The following RPRD2 variants were observed in gnomAD, a reference collection of about 807,000 sequenced individuals.
RPRD2 encodes regulation of nuclear pre-mRNA domain containing 2.
A neutral mutation model predicts 104.4 loss-of-function variants in RPRD2; 12 were observed. The observed-to-expected ratio is 0.11, with a 90% CI of 0.07 to 0.19. The LOEUF (loss-of-function observed/expected upper bound fraction) is 0.19. RPRD2 is among the 10% of genes least tolerant of loss of function. RPRD2 has a pLI of 1.00. For missense variants in RPRD2, 1,543 were observed against 1,790.1 expected, an observed-to-expected ratio of 0.86 and a Z score of 2.49; for synonymous variants, 714 against 684.9, an observed-to-expected ratio of 1.04 and a Z score of -0.66.
At chr1:150,445,389 A>G (rs1666689032) in intron 6 of RPRD2, among the ~76,000 whole-genome samples, 1 of 152,186 alleles carries the variant, frequency 6.6e-6, no homozygotes. Flanking sequence ...GTCACTGGGA[A>G]AGAAGTAGAT....
chr1:150,457,630 T>C, intron 8 of RPRD2, 60 bp downstream of exon 8: 1 of 1,363,804 alleles, frequency 7.3e-7, no homozygotes, highest in Non-Finnish European at 1.0e-6. Flanking sequence ...TTCTCAGCAA[T>C]GAATACATCA....
intron 1 of RPRD2, among the ~76,000 whole-genome samples, chr1:150,378,980 A>T (rs999337023): frequency 8.0e-5 from 5 of 62,204 alleles, no homozygotes; most frequent in Admixed American, 1.8e-4. Flanking sequence ...AGACTTCATT[A>T]AAAAAAAAAA....
intron 2 of RPRD2, among the ~76,000 whole-genome samples, chr1:150,440,194 C>T (rs1666319199): frequency 6.6e-6 from 1 of 152,152 alleles, no homozygotes; most frequent in Admixed American, 6.5e-5. Flanking sequence ...GATTTTCCCA[C>T]CTCGGCCTCC....
At chr1:150,409,497 C>T (rs1663737116) in intron 1 of RPRD2, among the ~76,000 whole-genome samples, 2 of 151,962 alleles carry the variant, frequency 1.3e-5, no homozygotes, top group South Asian at 4.2e-4. Flanking sequence ...GTAAATAAAA[C>T]TGACAAAAAT....
rs1196835187 is a variant in RPRD2 at position 150,467,681 on chromosome 1, A to T, written c.1613-2880A>T. On this transcript the variant is annotated intron_variant, in intron 10 of 10. Transcript: ENST00000369068. ...GAACCACCGTGCCTGGCCGATGTGAAATTTCTGATGAGGCAAAATTTGAAC... is the reference window on the plus strand; with the variant it reads ...GAACCACCGTGCCTGGCCGATGTGATATTTCTGATGAGGCAAAATTTGAAC... Among the ~76,000 whole-genome samples the T allele has an allele frequency of 2.0e-5, 3 of 152,090 alleles. No individual in the cohort carries two copies. In the East Asian group the frequency reaches 5.8e-4, roughly 29 times the overall value.
chr1:150,407,870 T>A (rs1386258125), intron 1 of RPRD2, among the ~76,000 whole-genome samples: 1 of 152,172 alleles, frequency 6.6e-6, no homozygotes, highest in South Asian at 2.1e-4. Context: ...CCAGAGGGTA[T>A]GTTATGGACG....
At position 150,473,367 on chromosome 1, in the gene RPRD2, T is replaced by C. The variant is rs1191730658; in HGVS notation, c.*33T>C. 3 of 1,522,640 alleles carry C rather than the reference T, an allele frequency of 2.0e-6. No individual in the cohort carries two copies. The South Asian group carries it at 3.9e-5, about 20-fold the overall frequency. The allele number at this position is 1,522,640 out of a possible 1,614,324, so 94.3% of individuals were successfully genotyped here. A position where few individuals can be genotyped will look rare whatever the true frequency, so the allele number is the denominator to read the frequency against. On this transcript the variant is annotated 3_prime_UTR_variant, in exon 11 of 11. Coordinates refer to ENST00000369068, the MANE Select transcript of RPRD2 (RefSeq NM_015203.5). ...CAAGGGAAAGGCATTTTGAACAGTC[T>C]AGAGAACATTGGAAGTAGGAGTTTG...
intron 1 of RPRD2, among the ~76,000 whole-genome samples, chr1:150,397,056 C>T (rs1662584479): frequency 6.6e-6 from 1 of 152,116 alleles, no homozygotes; most frequent in Non-Finnish European, 1.5e-5. Context: ...TCACTGCAGC[C>T]TCTGCCTCCC....
chr1:150,369,832 G>GT (rs1660166648), intron 1 of RPRD2, among the ~76,000 whole-genome samples: 1 of 151,318 alleles, frequency 6.6e-6, no homozygotes, highest in African/African-American at 2.4e-5. Flanking sequence ...CTAGGCTGGA[G>GT]TACAGTGGCG....
intron 9 of RPRD2, among the ~76,000 whole-genome samples, chr1:150,460,560 G>A (rs1462839523): frequency 6.6e-6 from 1 of 151,718 alleles, no homozygotes; most frequent in Non-Finnish European, 1.5e-5. Flanking sequence ...CTGCTACCAC[G>A]CCCGGCTAAT....
chr1:150,446,234 G>A lies in RPRD2; in HGVS notation c.703G>A (p.Gly235Ser). 6.3e-7 allele frequency: 1 copy of A among 1,575,934 alleles called. No individual in the cohort carries two copies. The highest frequency in any genetic ancestry group is 1.2e-5 in the South Asian group (1 of 84,730). Residue 235 changes from glycine (G) to serine (S), a missense_variant, in exon 7 of 11, where the codon GGT becomes AGT. Gly to Ser is a moderately conservative substitution (Grantham distance 56, BLOSUM62 0). Transcript: ENST00000369068. Reference sequence around the variant, plus strand: ...TTCCCATGTCATTTTAGATAAAACAGGTGGGAAGAAGTTCTCCAAAGAATT... The same window carrying A: ...TTCCCATGTCATTTTAGATAAAACAAGTGGGAAGAAGTTCTCCAAAGAATT... ...ETLKCLKDKT[G>S]GKKFSKEFEE... is the part of the protein sequence containing the mutation.
chr1:150,446,695 GCTGTGATCACGCCA>G (rs1666795954), intron 7 of RPRD2, among the ~76,000 whole-genome samples: 1 of 152,036 alleles, frequency 6.6e-6, no homozygotes, highest in African/African-American at 2.4e-5. Flanking sequence ...GCTTCAATGA[GCTGTGATCACGCCA>G]CTGCACCCCA....
At chr1:150,438,147 G>A (rs1163360812) in intron 2 of RPRD2, among the ~76,000 whole-genome samples, 1 of 151,458 alleles carries the variant, frequency 6.6e-6, no homozygotes, top group Non-Finnish European at 1.5e-5. Context: ...AAAATTAGCC[G>A]GGCATGGTGT....
At chr1:150,465,806 C>T (rs1449543453) in intron 10 of RPRD2, among the ~76,000 whole-genome samples, 3 of 152,054 alleles carry the variant, frequency 2.0e-5, no homozygotes, top group African/African-American at 7.3e-5. Flanking sequence ...CGCCTGTAAT[C>T]CCGGCACTTT....
intron 7 of RPRD2, among the ~76,000 whole-genome samples, chr1:150,452,431 C>T (rs1667248755): frequency 6.6e-6 from 1 of 152,130 alleles, no homozygotes; most frequent in African/African-American, 2.4e-5. Context: ...AACCACTGCC[C>T]TAAGAAACTA....
chr1:150,431,852 G>A (rs1011420633), intron 2 of RPRD2, among the ~76,000 whole-genome samples: 8 of 151,978 alleles, frequency 5.3e-5, no homozygotes, highest in East Asian at 1.9e-4. Flanking sequence ...AGTGAAACAC[G>A]CCTGTCACAA....
intron 2 of RPRD2, among the ~76,000 whole-genome samples, chr1:150,438,911 T>C (rs1553893765): frequency 6.6e-6 from 1 of 152,098 alleles, no homozygotes; most frequent in East Asian, 1.9e-4. Context: ...CTCAGCTCAC[T>C]GCAACCTTCG....
chr1:150,460,496 C>T (rs899294947), intron 9 of RPRD2, among the ~76,000 whole-genome samples, 179 bp downstream of exon 9: 7 of 152,030 alleles, frequency 4.6e-5, no homozygotes, highest in Middle Eastern at 3.4e-3. Context: ...CTCTGCCTCC[C>T]GGGTTCAAGT....
chr1:150,400,868 A>C (rs1159071833), intron 1 of RPRD2, among the ~76,000 whole-genome samples: 5 of 151,786 alleles, frequency 3.3e-5, no homozygotes, highest in African/African-American at 4.8e-5. Context: ...TGAGCCTTTC[A>C]TAGTACTTTT....
Sources: allele counts gnomAD v4.1 joint callset (sites outside exome capture counted in the v4.1 genomes callset), GRCh38; gene constraint gnomAD v4.1.1; transcripts MANE v1.5; gene names NCBI Gene and HGNC (gene_info 2026-07-23, HGNC 2026-07-21).